The following CROT variants were observed in gnomAD, a reference collection of about 807,000 sequenced individuals.
The protein encoded by CROT is peroxisomal carnitine O-octanoyltransferase.
In CROT, 84 loss-of-function variants were observed where a neutral mutation model predicts 89.2. That is an observed-to-expected ratio of 0.94 (90% CI 0.79 to 1.13). The LOEUF is 1.13. Ranked by LOEUF, CROT falls within the 50% of genes most tolerant of loss-of-function variation. CROT has a pLI of 0.00. For synonymous variants in CROT, 212 were observed against 239.5 expected, an observed-to-expected ratio of 0.89 and a Z score of 1.06; for missense variants, 711 against 727.8, an observed-to-expected ratio of 0.98 and a Z score of 0.27.
intron 10 of CROT, among the ~76,000 whole-genome samples, chr7:87,378,953 C>T (rs1345873013): frequency 6.6e-6 from 1 of 152,178 alleles, no homozygotes; most frequent in African/African-American, 2.4e-5. Context: ...TGCCACAAGT[C>T]ATTTATTTTG....
chr7:87,361,752 T>G lies in CROT; in HGVS notation c.447T>G (p.Val149=). The G allele has an allele frequency of 6.3e-7, 1 of 1,595,900 alleles. No homozygotes were observed. Among genetic ancestry groups the G allele is most frequent in the Non-Finnish European group, 8.5e-7 (1 of 1,174,140 alleles). Residue 149 remains valine (V), a synonymous_variant, in exon 6 of 18, where the codon GTT becomes GTG. Coordinates refer to ENST00000331536, the MANE Select transcript of CROT (RefSeq NM_021151.4). ...LRKEKVPVHK[V]GNTPLDMNQF... is the part of the protein sequence containing the mutation. ...GAGAAAAAGTGCCTGTTCATAAAGT[T>G]GGAAATACTCCTCTAGATATGAATC...
At chr7:87,367,947 A>G (rs933434221) in intron 6 of CROT, among the ~76,000 whole-genome samples, 1 of 152,116 alleles carries the variant, frequency 6.6e-6, no homozygotes, top group African/African-American at 2.4e-5. Flanking sequence ...TAACAGCTGG[A>G]GGGATCTTTT....
intron 4 of CROT, chr7:87,359,570 C>A: frequency 8.0e-7 from 1 of 1,244,908 alleles, no homozygotes; most frequent in Non-Finnish European, 1.0e-6. Context: ...GGAATGAGGC[C>A]CAGAGATTCT....
chr7:87,373,546 A>T lies in CROT; in HGVS notation c.657-2086A>T, dbSNP rs182639678. Among the ~76,000 whole-genome samples the T allele has an allele frequency of 5.0e-3, 753 of 151,938 alleles. 18 individuals are homozygous for T. The highest frequency in any genetic ancestry group is 0.039 in the Admixed American group (598 of 15,256). The stretch of plus-strand genomic sequence containing the variant: ...ATATATTATCTTTTAAGATCTTTTT[A>T]AAAAAAATTGTGGGAAGGGGGAGAT... On this transcript the variant is annotated intron_variant, in intron 7 of 17. Coordinates refer to ENST00000331536, the MANE Select transcript of CROT (RefSeq NM_021151.4).
chr7:87,384,048 G>A (rs965793937), intron 13 of CROT, among the ~76,000 whole-genome samples: 1 of 152,062 alleles, frequency 6.6e-6, no homozygotes, highest in Non-Finnish European at 1.5e-5. Context: ...AACAATGTAT[G>A]AGGGTTCCCT....
rs555933403 is a variant in CROT at position 87,393,025 on chromosome 7, T to TA, written c.1677dup (p.His560ThrfsTer13). 9.9e-4 allele frequency: 1,593 copies of TA among 1,613,598 alleles called. 1 individual carries two copies. The highest frequency in any genetic ancestry group is 1.3e-3 in the Non-Finnish European group (1,486 of 1,179,630). On this transcript the variant is annotated frameshift_variant, in exon 17 of 18. Coordinates refer to ENST00000331536, the MANE Select transcript of CROT (RefSeq NM_021151.4). LOFTEE classifies it high-confidence loss of function. Reference sequence around the variant, plus strand: ...GTCCAGGGAGTGGTAGTTCCCATGGTACACAATGGTTATGGATTTTTCTAC... The same window carrying TA: ...GTCCAGGGAGTGGTAGTTCCCATGGTAACACAATGGTTATGGATTTTTCTAC...
At chr7:87,398,171 G>C (rs1807606693) in intron 17 of CROT, 1 of 364,518 alleles carries the variant, frequency 2.7e-6, no homozygotes, top group Admixed American at 3.9e-5. Flanking sequence ...AAAAACTGTA[G>C]CATGAATTCA....
intron 13 of CROT, among the ~76,000 whole-genome samples, chr7:87,390,737 A>G (rs1807332917): frequency 6.6e-6 from 1 of 152,202 alleles, no homozygotes; most frequent in South Asian, 2.1e-4. Context: ...CTTCTACTTT[A>G]TTCTAGTCCT....
intron 17 of CROT, 37 bp from the exon 18 acceptor site, chr7:87,398,486 CT>C: frequency 6.2e-7 from 1 of 1,610,530 alleles, no homozygotes. Context: ...TATTTGGAGC[CT>C]TTTGTGTAAT....
rs1402238335 is a variant in CROT at position 87,381,786 on chromosome 7, T to G, written c.979-124T>G. On this transcript the variant is annotated intron_variant, in intron 10 of 17. Transcript: ENST00000331536. ...TCTATCTTATCATATCCTCAAGAGG[T>G]GAGGCATTTGAAGACTCTATGCTTT... 18 of 596,478 alleles carry G rather than the reference T, an allele frequency of 3.0e-5. No homozygotes were observed. In the East Asian group the frequency reaches 5.1e-4, roughly 17 times the overall value. The allele number at this position is 596,478 out of a possible 1,614,324, so 36.9% of individuals were successfully genotyped here. A position where few individuals can be genotyped will look rare whatever the true frequency, so the allele number is the denominator to read the frequency against.
chr7:87,367,692 C>A (rs1172855299), intron 6 of CROT, among the ~76,000 whole-genome samples: 2 of 152,208 alleles, frequency 1.3e-5, no homozygotes, highest in South Asian at 2.1e-4. Context: ...CTTGCTTAGT[C>A]AAGAAACTTG....
At chr7:87,348,428 C>G (rs918580363) in intron 2 of CROT, among the ~76,000 whole-genome samples, 17 of 152,142 alleles carry the variant, frequency 1.1e-4, no homozygotes, top group Non-Finnish European at 2.1e-4. Flanking sequence ...TTTATGTATT[C>G]TATAATAATC....
intron 3 of CROT, among the ~76,000 whole-genome samples, chr7:87,354,156 A>T (rs1348003201): frequency 1.3e-5 from 2 of 152,234 alleles, no homozygotes; most frequent in Admixed American, 1.3e-4. Context: ...AGCCAAAGTG[A>T]TAATGAAAAT....
At chr7:87,366,208 G>A (rs1270787466) in intron 6 of CROT, among the ~76,000 whole-genome samples, 1 of 151,980 alleles carries the variant, frequency 6.6e-6, no homozygotes, top group Non-Finnish European at 1.5e-5. Flanking sequence ...TATTCATTAA[G>A]CTTACTACTT....
intron 4 of CROT, chr7:87,359,956 T>C: frequency 1.0e-6 from 1 of 981,156 alleles, no homozygotes; most frequent in Non-Finnish European, 1.2e-6. Context: ...GAAATAATTA[T>C]TGTACCTATC....
chr7:87,364,235 C>G (rs802030), intron 6 of CROT, among the ~76,000 whole-genome samples: 26,403 of 152,110 alleles, frequency 0.17, 3,258 homozygotes, highest in African/African-American at 0.34. Flanking sequence ...AAATCCATAA[C>G]AGTAGCCAAG....
At chr7:87,371,561 T>A (rs1806631676) in intron 7 of CROT, among the ~76,000 whole-genome samples, 1 of 152,254 alleles carries the variant, frequency 6.6e-6, no homozygotes, top group African/African-American at 2.4e-5. Context: ...AATGTTCACA[T>A]CATCTGATGT....
At chr7:87,345,912 A>G (rs1027029941) in intron 1 of CROT, 145 bp downstream of exon 1, 3 of 155,362 alleles carry the variant, frequency 1.9e-5, no homozygotes, top group Non-Finnish European at 2.8e-5. Flanking sequence ...TCTCAGGGGT[A>G]CCCTCAAGGT....
At chr7:87,349,259 G>A in intron 3 of CROT, 76 bp downstream of exon 3, 1 of 675,136 alleles carries the variant, frequency 1.5e-6, no homozygotes, top group South Asian at 2.8e-5. Flanking sequence ...CTGGAGAAGG[G>A]GTCTCGATCC....
Sources: gnomAD v4.1 joint callset for allele counts (sites outside exome capture counted in the v4.1 genomes callset) on GRCh38, gnomAD v4.1.1 for gene constraint, MANE v1.5 for transcripts, NCBI Gene and HGNC (gene_info 2026-07-23, HGNC 2026-07-21) for gene names.